Variants in PHKB observed in about 807,000 individuals in gnomAD.
The protein encoded by PHKB is phosphorylase b kinase regulatory subunit beta.
PHKB carries 122 observed loss-of-function variants against 152.1 expected under a neutral mutation model. The observed-to-expected ratio is 0.80, with a 90% confidence interval of 0.69 to 0.93. The LOEUF (loss-of-function observed/expected upper bound fraction) is 0.93. PHKB is among the 40% of genes least tolerant of loss of function. The pLI is 0.00. For missense variants in PHKB, 1,304 were observed against 1,328.4 expected (o/e 0.98, Z 0.29); for synonymous variants, 436 against 464.9 (o/e 0.94, Z 0.80).
chr16:47,618,031 G>A (rs1461222375), intron 14 of PHKB, among the ~76,000 whole-genome samples: 1 of 152,162 alleles, frequency 6.6e-6, no homozygotes, highest in African/African-American at 2.4e-5. Flanking sequence ...ATTCACTTCC[G>A]CTTCTCCCAC....
At chr16:47,581,815 G>T (rs1250024146) in intron 8 of PHKB, among the ~76,000 whole-genome samples, 2 of 152,126 alleles carry the variant, frequency 1.3e-5, no homozygotes, top group African/African-American at 4.8e-5. Context: ...GAGTAGCTGG[G>T]ATTACAGGCG....
chr16:47,605,943 C>A (rs1406888853), intron 13 of PHKB, among the ~76,000 whole-genome samples: 1 of 152,176 alleles, frequency 6.6e-6, no homozygotes, highest in Non-Finnish European at 1.5e-5. Flanking sequence ...TCTATACCAA[C>A]CACCAGGAAG....
intron 20 of PHKB, among the ~76,000 whole-genome samples, chr16:47,651,618 A>G (rs2151732058): frequency 6.6e-6 from 1 of 152,296 alleles, no homozygotes; most frequent in African/African-American, 2.4e-5. Context: ...TTAAACTACT[A>G]AGACTGCGGT....
chr16:47,684,730 A>ACACTCCAG (rs1312667944), intron 26 of PHKB, among the ~76,000 whole-genome samples: 1 of 151,952 alleles, frequency 6.6e-6, no homozygotes, highest in East Asian at 1.9e-4. Context: ...TCATGCCACT[A>ACACTCCAG]CACTCCAGCG....
At chr16:47,549,634 G>A (rs1971236459) in intron 7 of PHKB, among the ~76,000 whole-genome samples, 1 of 152,126 alleles carries the variant, frequency 6.6e-6, no homozygotes, top group South Asian at 2.1e-4. Flanking sequence ...GGTGGAGGTT[G>A]CAGTGAGCCG....
intron 26 of PHKB, among the ~76,000 whole-genome samples, chr16:47,679,849 A>G (rs895292961): frequency 7.9e-5 from 12 of 152,062 alleles, no homozygotes; most frequent in Admixed American, 2.0e-4. Flanking sequence ...TCTTGTGCCC[A>G]TTTTCAAAGG....
intron 4 of PHKB, among the ~76,000 whole-genome samples, chr16:47,509,683 T>G (rs1970477155): frequency 6.6e-6 from 1 of 152,168 alleles, no homozygotes; most frequent in Admixed American, 6.5e-5. Context: ...GTGCCTACCA[T>G]GTTGGACAGC....
At chr16:47,462,324 C>G in intron 1 of PHKB, 1 of 152,208 alleles carries the variant, frequency 6.6e-6, no homozygotes, top group East Asian at 1.9e-4. Flanking sequence ...TAACTTTGCA[C>G]TTGCATTGAT....
At chr16:47,499,942 G>T in intron 3 of PHKB, 48 bp downstream of exon 3, 7 of 1,609,242 alleles carry the variant, frequency 4.3e-6, no homozygotes, top group African/African-American at 1.3e-5. Context: ...GGATAATAGG[G>T]TTTTGTAGGA....
intron 14 of PHKB, among the ~76,000 whole-genome samples, chr16:47,613,467 C>T (rs953619430): frequency 1.3e-5 from 2 of 152,096 alleles, no homozygotes; most frequent in African/African-American, 2.4e-5. Flanking sequence ...ACCAGCCAGC[C>T]CCACAGGGAA....
Position 47,661,816 on chromosome 16 carries a change from TA to T in PHKB, c.2278+17del. Reference sequence around the variant, plus strand: ...ACAAAGGAAGGTAAGCATGCATGTCTAGGAGAACATTTTAAGAGGACCTCTC... The same window carrying T: ...ACAAAGGAAGGTAAGCATGCATGTCTGGAGAACATTTTAAGAGGACCTCTC... On this transcript the variant is annotated intron_variant, in intron 23 of 30. Transcript: ENST00000323584. The T allele has an allele frequency of 6.5e-7, 1 of 1,541,096 alleles. No individual in the cohort carries two copies. Among genetic ancestry groups the T allele is most frequent in the Non-Finnish European group, 9.0e-7 (1 of 1,113,454 alleles).
intron 13 of PHKB, chr16:47,598,951 T>A (rs1337112409): frequency 6.8e-7 from 1 of 1,478,162 alleles, no homozygotes; most frequent in Non-Finnish European, 9.4e-7. Flanking sequence ...ATGTGGAGTA[T>A]TGCACACAGC....
intron 7 of PHKB, among the ~76,000 whole-genome samples, chr16:47,575,334 G>A (rs1445581323): frequency 1.3e-5 from 2 of 152,106 alleles, no homozygotes; most frequent in Non-Finnish European, 2.9e-5. Context: ...TTTCAATCCA[G>A]TAATCCCACT....
Position 47,699,455 on chromosome 16 carries a change from T to C in PHKB, c.*89T>C, listed in dbSNP as rs1358267079. The stretch of plus-strand genomic sequence containing the variant: ...AGCTTAATCAAGGCAGCCATTAATA[T>C]ACGAACTGAGCATGCTGGGGAGGTG... On this transcript the variant is annotated 3_prime_UTR_variant, in exon 31 of 31. Transcript: ENST00000323584. The C allele has an allele frequency of 3.0e-5, 44 of 1,474,886 alleles. No homozygotes were observed. The highest frequency in any genetic ancestry group is 1.8e-4 in the Admixed American group (11 of 59,830). The allele number at this position is 1,474,886 out of a possible 1,614,324, so 91.4% of individuals were successfully genotyped here.
chr16:47,666,938 TG>T, intron 25 of PHKB, among the ~76,000 whole-genome samples: 1 of 152,320 alleles, frequency 6.6e-6, no homozygotes, highest in East Asian at 1.9e-4. Flanking sequence ...AGAGTTAATC[TG>T]GGGATATAAT....
intron 26 of PHKB, among the ~76,000 whole-genome samples, chr16:47,679,936 A>G (rs1405015372): frequency 1.3e-5 from 2 of 152,346 alleles, no homozygotes; most frequent in African/African-American, 4.8e-5. Context: ...ATTTTGAGAT[A>G]CGTCTCATCA....
chr16:47,629,265 A>G (rs1425931602), intron 14 of PHKB, among the ~76,000 whole-genome samples: 2 of 152,172 alleles, frequency 1.3e-5, no homozygotes, highest in Non-Finnish European at 2.9e-5. Context: ...AATTTTCACA[A>G]CCTACTCATC....
At chr16:47,545,409 C>T (rs987158418) in intron 6 of PHKB, among the ~76,000 whole-genome samples, 39 of 152,036 alleles carry the variant, frequency 2.6e-4, no homozygotes, top group South Asian at 6.2e-4. Flanking sequence ...TTACGAATGG[C>T]GAATATTGGC....
chr16:47,600,377 C>T (rs1193092511), intron 13 of PHKB, among the ~76,000 whole-genome samples: 3 of 151,908 alleles, frequency 2.0e-5, no homozygotes, highest in Admixed American at 6.6e-5. Context: ...CACTTTAAAC[C>T]CCGTAAGACG....
Sources: gnomAD v4.1 joint callset for allele counts (sites outside exome capture counted in the v4.1 genomes callset) on GRCh38, gnomAD v4.1.1 for gene constraint, MANE v1.5 for transcripts, NCBI Gene and HGNC (gene_info 2026-07-23, HGNC 2026-07-21) for gene names.